THOC5: variants seen among roughly 807,000 people sequenced by gnomAD.
THOC5 encodes the protein Fms-interacting protein.
Under a neutral mutation model 92.9 loss-of-function variants are expected in THOC5, and 43 were observed. The ratio of observed to expected loss-of-function variants is 0.46; its 90% CI spans 0.36 to 0.60. The LOEUF is 0.60. Ranked by LOEUF, THOC5 falls within the 20% of genes least tolerant of loss-of-function variation. The pLI, the probability that THOC5 is intolerant of heterozygous loss-of-function variation, is 0.00. For synonymous variants in THOC5, 296 were observed against 320.1 expected, an observed-to-expected ratio of 0.92 and a Z score of 0.80; for missense variants, 659 against 849.4, an observed-to-expected ratio of 0.78 and a Z score of 2.79.
chr22:29,528,797 C>T, intron 9 of THOC5: 1 of 501,216 alleles, frequency 2.0e-6, no homozygotes, highest in East Asian at 3.5e-5. Flanking sequence ...GCATGCATAA[C>T]TTGAGGGGGT....
At chr22:29,520,912 G>T in intron 13 of THOC5, 86 bp downstream of exon 13, 1 of 990,428 alleles carries the variant, frequency 1.0e-6, no homozygotes. Flanking sequence ...GTCACCTCTG[G>T]CCCTAACAGG....
chr22:29,514,602 C>G (rs1187332269), intron 17 of THOC5, among the ~76,000 whole-genome samples: 2 of 152,068 alleles, frequency 1.3e-5, no homozygotes, highest in East Asian at 3.9e-4. Flanking sequence ...ACACCTGAGC[C>G]ACCGCACCCG....
chr22:29,551,159 C>T (rs965199941), intron 1 of THOC5, among the ~76,000 whole-genome samples: 3 of 152,122 alleles, frequency 2.0e-5, no homozygotes, highest in South Asian at 4.1e-4. Flanking sequence ...CTTGGCTGGG[C>T]GCAGTGGCTC....
rs780430300 is a variant in THOC5, at chr22:29,539,455, A to T, written c.474T>A (p.Asp158Glu). 22 of 1,613,728 alleles carry T rather than the reference A, an allele frequency of 1.4e-5. No individual in the cohort carries two copies. Among genetic ancestry groups the T allele is most frequent in the Non-Finnish European group, 1.9e-5 (22 of 1,179,896 alleles). ...LEFKSKHEEI[D>E]LVSLEEFYKE... is the part of the protein sequence containing the mutation. ...TATAAAACTCCTCTAAACTGACCAG[A>T]TCAATTTCTTCATGCTTTGACCTAC... is the stretch of plus-strand genomic sequence containing the variant. Residue 158 changes from aspartate to glutamate, a missense_variant, in exon 6 of 20, where the codon GAT (aspartate) becomes GAA (glutamate). Transcript: ENST00000490103.
At chr22:29,531,662 C>T in intron 8 of THOC5, 169 bp downstream of exon 8, 4 of 1,397,310 alleles carry the variant, frequency 2.9e-6, no homozygotes, top group Non-Finnish European at 3.7e-6. Flanking sequence ...CTTAGGCCAG[C>T]TGGTCAGAGC....
At chr22:29,531,669 GAGC>G in intron 8 of THOC5, 159 bp downstream of exon 8, 1 of 1,428,664 alleles carries the variant, frequency 7.0e-7, no homozygotes, top group Non-Finnish European at 9.1e-7. Flanking sequence ...CAGCTGGTCA[GAGC>G]AGCCATGCTG....
intron 17 of THOC5, among the ~76,000 whole-genome samples, chr22:29,515,878 T>C (rs1365623421): frequency 1.3e-5 from 2 of 152,096 alleles, no homozygotes; most frequent in African/African-American, 4.8e-5. Flanking sequence ...CCAGGCATGA[T>C]GGCTGATGCC....
At chr22:29,552,761 C>T (rs867678346) in intron 1 of THOC5, among the ~76,000 whole-genome samples, 11 of 152,234 alleles carry the variant, frequency 7.2e-5, no homozygotes, top group African/African-American at 1.9e-4. Context: ...TCATTGAGAA[C>T]GGGCCATGAT....
In THOC5 at chr22:29,548,024, C is replaced by T. The variant is rs973101004; in HGVS notation, c.96+1028G>A. Among the ~76,000 whole-genome samples the T allele has an allele frequency of 8.5e-5, 13 of 152,098 alleles. No individual in the cohort carries two copies. The East Asian group carries it at 1.3e-3, about 16-fold the overall frequency. On this transcript the variant is annotated intron_variant, in intron 2 of 19. Transcript: ENST00000490103. ...AAGAAAAATGAGGAGGAAGCAAAAGCAGAAACCCCTGATGAGCGCATCAGA... is the reference window on the plus strand; with the variant it reads ...AAGAAAAATGAGGAGGAAGCAAAAGTAGAAACCCCTGATGAGCGCATCAGA...
intron 11 of THOC5, among the ~76,000 whole-genome samples, chr22:29,526,720 T>C (rs931435187): frequency 2.0e-5 from 3 of 152,006 alleles, no homozygotes; most frequent in African/African-American, 7.2e-5. Context: ...TCAAGGTCAA[T>C]ATCAGCAGAA....
At chr22:29,536,469 G>A (rs1288522938) in intron 7 of THOC5, 155 bp downstream of exon 7, 2 of 596,928 alleles carry the variant, frequency 3.4e-6, no homozygotes, top group African/African-American at 1.9e-5. Flanking sequence ...CCAGACACAA[G>A]CTTATCACAC....
At chr22:29,540,653 A>C (rs2063862597) in intron 5 of THOC5, among the ~76,000 whole-genome samples, 1 of 152,202 alleles carries the variant, frequency 6.6e-6, no homozygotes, top group Admixed American at 6.5e-5. Flanking sequence ...CCAGTGCATC[A>C]CATTATTTTG....
At chr22:29,543,158 A>T (rs2146548108) in intron 4 of THOC5, among the ~76,000 whole-genome samples, 1 of 152,220 alleles carries the variant, frequency 6.6e-6, no homozygotes, top group South Asian at 2.1e-4. Context: ...AGCCTGGCCA[A>T]CAAGGTGAAA....
At chr22:29,512,530 C>T (rs555581684) in intron 17 of THOC5, among the ~76,000 whole-genome samples, 1 of 152,312 alleles carries the variant, frequency 6.6e-6, no homozygotes, top group South Asian at 2.1e-4. Context: ...TGTGTATCAA[C>T]TATCACATCA....
At chr22:29,523,280 C>T (rs1410387486) in intron 12 of THOC5, among the ~76,000 whole-genome samples, 1 of 151,604 alleles carries the variant, frequency 6.6e-6, no homozygotes, top group Non-Finnish European at 1.5e-5. Context: ...AAAATAAAAA[C>T]ATTAACTCTG....
At chr22:29,552,479 G>A (rs550442972) in intron 1 of THOC5, among the ~76,000 whole-genome samples, 27 of 148,730 alleles carry the variant, frequency 1.8e-4, no homozygotes, top group Non-Finnish European at 3.7e-4. Context: ...CGGCTGCCCC[G>A]TCTGAGAGGT....
chr22:29,532,412 T>C (rs368896263), intron 7 of THOC5, among the ~76,000 whole-genome samples: 4 of 151,390 alleles, frequency 2.6e-5, no homozygotes, highest in East Asian at 3.9e-4. Context: ...GCCTGTAATC[T>C]CAGCACTTTG....
chr22:29,550,657 C>T (rs932468344), intron 1 of THOC5: 1 of 152,116 alleles, frequency 6.6e-6, no homozygotes, highest in East Asian at 1.9e-4. Context: ...GGCTATGAGT[C>T]CCCGGACGAG....
chr22:29,519,474 T>C (rs2063397028), intron 14 of THOC5, among the ~76,000 whole-genome samples: 1 of 152,240 alleles, frequency 6.6e-6, no homozygotes. Context: ...AGGACTCAAG[T>C]TGCCTGGGTC....
Sources: allele counts gnomAD v4.1 joint callset (sites outside exome capture counted in the v4.1 genomes callset), GRCh38; gene constraint gnomAD v4.1.1; transcripts MANE v1.5; gene names NCBI Gene and HGNC (gene_info 2026-07-23, HGNC 2026-07-21).